The following CNIH3 variants were observed in gnomAD, a reference collection of about 807,000 sequenced individuals.
The protein encoded by CNIH3 is protein cornichon homolog 3.
CNIH3 carries 14 observed loss-of-function variants against 24.1 expected under a neutral mutation model. The observed-to-expected ratio is 0.58, with a 90% CI of 0.38 to 0.91. The LOEUF (loss-of-function observed/expected upper bound fraction) is 0.91. Ranked by LOEUF, CNIH3 falls within the 40% of genes least tolerant of loss-of-function variation. The probability of loss-of-function intolerance (pLI) is 0.00; values close to 1 mark genes in which losing one functional copy is unlikely to be tolerated. For synonymous variants in CNIH3, 68 were observed against 73.8 expected (o/e 0.92, Z 0.40); for missense variants, 178 against 196.8 (o/e 0.90, Z 0.57).
chr1:224,534,809 C>T (rs968336867), intron 2 of CNIH3, among the ~76,000 whole-genome samples: 2 of 152,214 alleles, frequency 1.3e-5, no homozygotes, highest in African/African-American at 4.8e-5. Flanking sequence ...CACCTTTTCA[C>T]AGCCGCATTA....
chr1:224,634,306 G>A (rs554559527), intron 1 of CNIH3, among the ~76,000 whole-genome samples: 3 of 152,256 alleles, frequency 2.0e-5, no homozygotes, highest in East Asian at 3.9e-4. Flanking sequence ...AAAAGAGGCC[G>A]GGCGTGGTGG....
At chr1:224,504,552 C>G (rs921908026) in intron 1 of CNIH3, among the ~76,000 whole-genome samples, 1 of 151,996 alleles carries the variant, frequency 6.6e-6, no homozygotes, top group African/African-American at 2.4e-5. Flanking sequence ...CCCTCTCCTC[C>G]CCTCCTGTAC....
chr1:224,452,058 T>C (rs781714215), intron 1 of CNIH3, among the ~76,000 whole-genome samples: 3 of 152,178 alleles, frequency 2.0e-5, no homozygotes, highest in Admixed American at 6.5e-5. Flanking sequence ...CTGCCACTTG[T>C]ATTTATTTTT....
upstream of CNIH3, among the ~76,000 whole-genome samples, chr1:224,614,637 T>C (rs1682855735): frequency 6.7e-6 from 1 of 149,772 alleles, no homozygotes; most frequent in Non-Finnish European, 1.5e-5. Flanking sequence ...CAAGACTGTC[T>C]TCAAAAAAAT....
At chr1:224,680,919 G>C in intron 1 of CNIH3, 39 bp from the exon 2 acceptor site, 2 of 1,478,406 alleles carry the variant, frequency 1.4e-6, no homozygotes, top group Non-Finnish European at 1.9e-6. Context: ...GTGTTGACTC[G>C]TGTGCACTAA....
upstream of CNIH3, among the ~76,000 whole-genome samples, chr1:224,512,666 A>T (rs1214754190): frequency 6.6e-6 from 1 of 152,230 alleles, no homozygotes; most frequent in African/African-American, 2.4e-5. Context: ...TTGTTTTTAA[A>T]ATAAAAGAAA....
At chr1:224,558,202 G>T (rs1680222358) in intron 3 of CNIH3, among the ~76,000 whole-genome samples, 3 of 152,298 alleles carry the variant, frequency 2.0e-5, no homozygotes, top group East Asian at 1.9e-4. Flanking sequence ...ATGATAACTG[G>T]TGCTGGCTAT....
At chr1:224,734,475 C>G in intron 4 of CNIH3, 88 bp from the exon 5 acceptor site, 1 of 1,388,012 alleles carries the variant, frequency 7.2e-7, no homozygotes, top group South Asian at 1.3e-5. Context: ...AGGGATTGCT[C>G]GACAGAAGCC....
chr1:224,490,277 G>A (rs1222565564), intron 1 of CNIH3, among the ~76,000 whole-genome samples: 1 of 152,198 alleles, frequency 6.6e-6, no homozygotes, highest in Non-Finnish European at 1.5e-5. Flanking sequence ...ATATCTTCAG[G>A]CATTAGCATT....
intron 1 of CNIH3, among the ~76,000 whole-genome samples, chr1:224,678,247 C>G (rs1686232702): frequency 6.6e-6 from 1 of 152,128 alleles, no homozygotes. Context: ...ATGAGGTGGA[C>G]TGAGTTTAAC....
chr1:224,592,984 T>C (rs776180131), downstream of CNIH3, among the ~76,000 whole-genome samples: 1 of 152,048 alleles, frequency 6.6e-6, no homozygotes, highest in Non-Finnish European at 1.5e-5. Flanking sequence ...TTAATTTTCA[T>C]TGGTGGGAAG....
At chr1:224,569,793 C>CT (rs896910255) in intron 4 of CNIH3, among the ~76,000 whole-genome samples, 10 of 148,156 alleles carry the variant, frequency 6.7e-5, no homozygotes, top group South Asian at 2.1e-4. Flanking sequence ...TATTTTCTTT[C>CT]TTTTTTTTTT....
chr1:224,662,941 C>T (rs1320523921), intron 1 of CNIH3, among the ~76,000 whole-genome samples: 1 of 152,116 alleles, frequency 6.6e-6, no homozygotes, highest in Non-Finnish European at 1.5e-5. Context: ...GGCTAAACCT[C>T]CCCAGACTCC....
intron 4 of CNIH3, among the ~76,000 whole-genome samples, chr1:224,567,130 A>AT (rs1680613756): frequency 6.6e-6 from 1 of 152,078 alleles, no homozygotes; most frequent in Admixed American, 6.6e-5. Flanking sequence ...GATGATGAGC[A>AT]TTTTTTCATA....
intron 1 of CNIH3, among the ~76,000 whole-genome samples, chr1:224,498,971 T>G (rs1488477562): frequency 6.6e-6 from 1 of 152,182 alleles, no homozygotes; most frequent in African/African-American, 2.4e-5. Context: ...CTGCAAAGCT[T>G]TAGCACACCA....
chr1:224,612,201 G>A (rs1211374735), upstream of CNIH3, among the ~76,000 whole-genome samples: 1 of 152,204 alleles, frequency 6.6e-6, no homozygotes, highest in Non-Finnish European at 1.5e-5. This position sits in a 1 kb window ranked among gnomAD's most constrained non-coding sequence, Gnocchi z 4.7. Context: ...ATGAAATACA[G>A]TAACATCTTC....
chr1:224,698,071 G>T (rs1263541163), intron 3 of CNIH3, among the ~76,000 whole-genome samples: 1 of 152,156 alleles, frequency 6.6e-6, no homozygotes, highest in Non-Finnish European at 1.5e-5. Flanking sequence ...GCAATTTGGG[G>T]CATTGGTCCT....
At chr1:224,446,621 A>T (rs1675176605) in intron 1 of CNIH3, among the ~76,000 whole-genome samples, 1 of 152,216 alleles carries the variant, frequency 6.6e-6, no homozygotes, top group South Asian at 2.1e-4. Context: ...CCACATCAGT[A>T]GTATTCTTTA....
upstream of CNIH3, among the ~76,000 whole-genome samples, chr1:224,614,860 T>C (rs1337260804): frequency 1.3e-5 from 2 of 151,760 alleles, no homozygotes; most frequent in African/African-American, 4.8e-5. Context: ...GGCAGGAGAA[T>C]CGCTTGAACC....
Sources: allele counts gnomAD v4.1 joint callset (sites outside exome capture counted in the v4.1 genomes callset), GRCh38; gene constraint gnomAD v4.1.1; non-coding constraint Gnocchi (gnomAD v3.1); transcripts MANE v1.5; gene names NCBI Gene and HGNC (gene_info 2026-07-23, HGNC 2026-07-21).